The following TMPRSS15 variants were observed in gnomAD, a reference collection of about 807,000 sequenced individuals.
TMPRSS15 encodes enteropeptidase.
TMPRSS15 carries 128 observed loss-of-function variants against 125.3 expected under a neutral mutation model. The ratio of observed to expected loss-of-function variants is 1.02; its 90% CI spans 0.89 to 1.18. The LOEUF is 1.18. Ranked by LOEUF, TMPRSS15 falls within the 50% of genes most tolerant of loss-of-function variation. The probability of loss-of-function intolerance (pLI) is 0.00; values close to 1 mark genes in which losing one functional copy is unlikely to be tolerated. For synonymous variants in TMPRSS15, 446 were observed against 423.2 expected, an observed-to-expected ratio of 1.05 and a Z score of -0.66; for missense variants, 1,283 against 1,212.7, an observed-to-expected ratio of 1.06 and a Z score of -0.86.
chr21:18,292,001 A>G (rs1313300710), intron 21 of TMPRSS15, among the ~76,000 whole-genome samples: 2 of 152,228 alleles, frequency 1.3e-5, no homozygotes, highest in Non-Finnish European at 2.9e-5. Context: ...GTCATGACCC[A>G]TAGTCATAAA....
At chr21:18,385,458 C>G (rs1054794151) in intron 3 of TMPRSS15, among the ~76,000 whole-genome samples, 3 of 152,096 alleles carry the variant, frequency 2.0e-5, no homozygotes, top group African/African-American at 7.2e-5. Flanking sequence ...CCTTGGTCAA[C>G]AGAATCTGAA....
Position 18,344,050 on chromosome 21 carries a change from A to G in TMPRSS15, c.1182T>C (p.Ile394=), listed in dbSNP as rs2075479702. 2 of 1,613,606 alleles carry G rather than the reference A, an allele frequency of 1.2e-6. No homozygotes were observed. Among genetic ancestry groups the G allele is most frequent in the Non-Finnish European group, 1.7e-6 (2 of 1,179,868 alleles). ...TCCCTCCTGGTCCAGTTGGGGTAGAAATGTAAAATCCTGTAAAAATATCAA... is the reference window on the plus strand; with the variant it reads ...TCCCTCCTGGTCCAGTTGGGGTAGAGATGTAAAATCCTGTAAAAATATCAA... ...HTFGNASGFY[I]STPTGPGGRQ... Residue 394 remains isoleucine (I), a synonymous_variant, in exon 11 of 25, where the codon ATT becomes ATC. Transcript: ENST00000284885.
At chr21:18,345,249 A>T (rs1484688493) in intron 10 of TMPRSS15, among the ~76,000 whole-genome samples, 1 of 152,184 alleles carries the variant, frequency 6.6e-6, no homozygotes, top group Non-Finnish European at 1.5e-5. Context: ...CTCCTATTTT[A>T]TATAATGCTG....
At chr21:18,461,166 T>C (rs2122952294) in intron 1 of TMPRSS15, among the ~76,000 whole-genome samples, 9 of 152,326 alleles carry the variant, frequency 5.9e-5, no homozygotes, top group Non-Finnish European at 7.3e-5. Flanking sequence ...ATCTGGCCAA[T>C]GAGACGTAAG....
At chr21:18,460,112 A>C (rs1318666767) in intron 1 of TMPRSS15, among the ~76,000 whole-genome samples, 2 of 152,022 alleles carry the variant, frequency 1.3e-5, no homozygotes, top group African/African-American at 4.8e-5. Flanking sequence ...GAGAGATATA[A>C]TTTTGCCACT....
intron 1 of TMPRSS15, among the ~76,000 whole-genome samples, chr21:18,436,303 A>G (rs1437661747): frequency 1.3e-5 from 2 of 151,888 alleles, no homozygotes; most frequent in African/African-American, 4.8e-5. Flanking sequence ...ACTGCTTTGA[A>G]TGTGTCCCAG....
chr21:18,423,635 C>T (rs7509858), intron 1 of TMPRSS15, among the ~76,000 whole-genome samples: 46,613 of 150,340 alleles, frequency 0.31, 8,886 homozygotes, highest in East Asian at 0.8. Context: ...GCCAGATGGT[C>T]TCGATCTCCT....
At chr21:18,317,451 G>A (rs1001787379) in intron 16 of TMPRSS15, among the ~76,000 whole-genome samples, 1 of 138,562 alleles carries the variant, frequency 7.2e-6, no homozygotes, top group Admixed American at 7.5e-5. Flanking sequence ...TTTTTATGGG[G>A]GTAAGGGGAG....
intron 21 of TMPRSS15, among the ~76,000 whole-genome samples, chr21:18,288,268 T>C (rs763511954): frequency 6.6e-6 from 1 of 152,090 alleles, no homozygotes; most frequent in Non-Finnish European, 1.5e-5. Flanking sequence ...CACTTATAAG[T>C]GGGAGCCAAA....
At chr21:18,365,472 TTC>T (rs564128358) in intron 6 of TMPRSS15, among the ~76,000 whole-genome samples, 1 of 151,494 alleles carries the variant, frequency 6.6e-6, no homozygotes, top group Non-Finnish European at 1.5e-5. Context: ...CTCTCTCTCT[TTC>T]TCTCTTTCTT....
rs776691605 is a variant in TMPRSS15, at chr21:18,344,016, G to A, written c.1216C>T (p.Arg406Ter). The A allele has an allele frequency of 7.4e-6, 12 of 1,613,960 alleles. No individual in the cohort carries two copies. Among genetic ancestry groups the A allele is most frequent in the East Asian group, 6.7e-5 (3 of 44,876 alleles). ...TPTGPGGRQE[R>*]VGLLSLPLDP... ...AAAGGGAGGCTTAAAAGCCCCACTC[G>A]TTCTTGTCTCCCTCCTGGTCCAGTT... is the stretch of plus-strand genomic sequence containing the variant. Residue 406 changes from arginine to a stop codon, truncating the protein, a stop_gained, in exon 11 of 25, where the codon CGA becomes TGA. Coordinates refer to ENST00000284885, the MANE Select transcript of TMPRSS15 (RefSeq NM_002772.3). LOFTEE classifies it high-confidence loss of function.
At chr21:18,332,952 A>G (rs1275341009) in intron 13 of TMPRSS15, among the ~76,000 whole-genome samples, 2 of 152,200 alleles carry the variant, frequency 1.3e-5, no homozygotes, top group Admixed American at 1.3e-4. Flanking sequence ...AGGGACATGG[A>G]TGGAGCTGGA....
intron 20 of TMPRSS15, 70 bp downstream of exon 20, chr21:18,294,533 G>T: frequency 6.3e-7 from 1 of 1,599,342 alleles, no homozygotes; most frequent in Non-Finnish European, 8.6e-7. Context: ...ATAACTTCAG[G>T]TGACATAAAA....
At chr21:18,354,298 C>A (rs892418671) in intron 8 of TMPRSS15, among the ~76,000 whole-genome samples, 3 of 151,728 alleles carry the variant, frequency 2.0e-5, no homozygotes, top group East Asian at 1.9e-4. Context: ...AAAGAGTATT[C>A]TTTGGCTCTT....
intron 23 of TMPRSS15, among the ~76,000 whole-genome samples, chr21:18,278,602 T>TC (rs2146863455): frequency 7.0e-5 from 1 of 14,204 alleles, no homozygotes; most frequent in African/African-American, 8.0e-4. Flanking sequence ...GCGCCTGTGG[T>TC]CCCAGCTACT....
rs77277868 is a variant in TMPRSS15, at chr21:18,380,153, C to T, written c.497-835G>A. Among the ~76,000 whole-genome samples, 701 of 140,268 alleles carry T rather than the reference C, an allele frequency of 5.0e-3. 5 individuals carry two copies. The highest frequency in any genetic ancestry group is 0.018 in the African/African-American group (666 of 37,716). The allele number at this position is 140,268 out of a possible 152,430, so 92.0% of individuals were successfully genotyped here. A position where few individuals can be genotyped will look rare whatever the true frequency, so the allele number is the denominator to read the frequency against. Reference sequence around the variant, plus strand: ...TCACCAAGGCACCATGATTTGGAGCCGTTTATGGAGATGTCACACACACAC... The same window carrying T: ...TCACCAAGGCACCATGATTTGGAGCTGTTTATGGAGATGTCACACACACAC... On this transcript the variant is annotated intron_variant, in intron 4 of 24. Coordinates refer to ENST00000284885, the MANE Select transcript of TMPRSS15 (RefSeq NM_002772.3).
At chr21:18,373,544 C>A (rs1389392084) in intron 5 of TMPRSS15, among the ~76,000 whole-genome samples, 1 of 152,018 alleles carries the variant, frequency 6.6e-6, no homozygotes, top group Admixed American at 6.6e-5. Flanking sequence ...AGTTATTAAT[C>A]CAGAAAACAC....
At chr21:18,456,664 G>C (rs1978447258) in intron 1 of TMPRSS15, among the ~76,000 whole-genome samples, 1 of 151,996 alleles carries the variant, frequency 6.6e-6, no homozygotes, top group Non-Finnish European at 1.5e-5. Flanking sequence ...TTGTTAATTA[G>C]AGCTGTATAT....
chr21:18,381,348 C>T (rs966545474), intron 4 of TMPRSS15, among the ~76,000 whole-genome samples: 3 of 151,978 alleles, frequency 2.0e-5, no homozygotes, highest in African/African-American at 7.2e-5. Context: ...ATTTATGTGA[C>T]TTTTCATAAA....
Sources: gnomAD v4.1 joint callset for allele counts (sites outside exome capture counted in the v4.1 genomes callset) on GRCh38, gnomAD v4.1.1 for gene constraint, MANE v1.5 for transcripts, NCBI Gene and HGNC (gene_info 2026-07-23, HGNC 2026-07-21) for gene names.